TXLNG: variants seen among roughly 807,000 people sequenced by gnomAD.
The protein encoded by TXLNG is taxilin gamma.
In TXLNG, 5 loss-of-function variants were observed where a neutral mutation model predicts 38.8. The ratio of observed to expected loss-of-function variants is 0.13; its 90% confidence interval spans 0.07 to 0.27. The LOEUF (loss-of-function observed/expected upper bound fraction) is 0.27. Ranked by LOEUF, TXLNG falls within the 10% of genes least tolerant of loss-of-function variation. The pLI is 1.00. For missense variants in TXLNG, 393 were observed against 398.2 expected, an observed-to-expected ratio of 0.99 and a Z score of 0.11; for synonymous variants, 182 against 158.2, an observed-to-expected ratio of 1.15 and a Z score of -1.13.
chrX:16,815,864 G>A (rs765208213), intron 1 of TXLNG, among the ~76,000 whole-genome samples: 2 of 109,600 alleles, frequency 1.8e-5, no homozygotes, highest in African/African-American at 3.3e-5. Context: ...GGTATTGATA[G>A]TACTCACTTT....
At chrX:16,834,735 A>G (rs1052531239) in intron 7 of TXLNG, among the ~76,000 whole-genome samples, 5 of 112,262 alleles carry the variant, frequency 4.5e-5, no homozygotes, top group Non-Finnish European at 9.4e-5. Flanking sequence ...ATACATCTGC[A>G]TATTTTATTT....
chrX:16,788,807 A>G (rs959147980), intron 1 of TXLNG, among the ~76,000 whole-genome samples: 14 of 108,869 alleles, frequency 1.3e-4, no homozygotes, highest in Non-Finnish European at 2.3e-4. Flanking sequence ...AGCTGGGATT[A>G]CAGATGTGTG....
intron 5 of TXLNG, among the ~76,000 whole-genome samples, chrX:16,830,199 G>A (rs1929340028): frequency 9.5e-6 from 1 of 105,519 alleles, no homozygotes; most frequent in Non-Finnish European, 1.9e-5. Context: ...TTTTTTAAAT[G>A]AGGGCTTTAT....
chrX:16,808,795 T>C (rs1276899657), intron 1 of TXLNG, among the ~76,000 whole-genome samples: 1 of 112,131 alleles, frequency 8.9e-6, no homozygotes, highest in Non-Finnish European at 1.9e-5. Context: ...TATTGATATT[T>C]AGGATATTTC....
chrX:16,840,730 C>CAT (rs1929770958), intron 9 of TXLNG, among the ~76,000 whole-genome samples: 1 of 111,233 alleles, frequency 9.0e-6, no homozygotes, highest in Non-Finnish European at 1.9e-5. Flanking sequence ...TGAGATTGCA[C>CAT]CACTGCACTC....
At chrX:16,820,996 C>T (rs1253200962) in intron 3 of TXLNG, among the ~76,000 whole-genome samples, 1 of 109,689 alleles carries the variant, frequency 9.1e-6, no homozygotes, top group East Asian at 2.9e-4. Context: ...GTCTTGATCT[C>T]CTGACCTCGT....
chrX:16,827,855 A>T (rs192963271), intron 3 of TXLNG, among the ~76,000 whole-genome samples: 30 of 112,213 alleles, frequency 2.7e-4, no homozygotes, highest in Admixed American at 1.4e-3. Context: ...ATTTTTTTTT[A>T]AAAAAGAAAA....
intron 1 of TXLNG, among the ~76,000 whole-genome samples, chrX:16,807,243 C>T (rs1408220478): frequency 1.8e-5 from 2 of 112,170 alleles, no homozygotes; most frequent in South Asian, 3.6e-4. Context: ...AAAAATTCTA[C>T]GTATCTTTCA....
At chrX:16,820,656 A>T (rs1412232286) in intron 3 of TXLNG, among the ~76,000 whole-genome samples, 1 of 112,809 alleles carries the variant, frequency 8.9e-6, no homozygotes, top group African/African-American at 3.2e-5. Context: ...ATCATCTGCT[A>T]AAACAATACT....
intron 9 of TXLNG, among the ~76,000 whole-genome samples, chrX:16,840,737 A>T (rs1929771517): frequency 9.0e-6 from 1 of 111,344 alleles, no homozygotes; most frequent in Non-Finnish European, 1.9e-5. Context: ...GCACCACTGC[A>T]CTCCAGCCCG....
intron 1 of TXLNG, among the ~76,000 whole-genome samples, chrX:16,809,301 A>G (rs1171989856): frequency 1.5e-5 from 1 of 65,599 alleles, no homozygotes; most frequent in African/African-American, 6.1e-5. Context: ...CCCCTCCCAC[A>G]GTGTTGTCGA....
chrX:16,831,636 T>C (rs765486201), intron 5 of TXLNG, among the ~76,000 whole-genome samples: 2 of 112,548 alleles, frequency 1.8e-5, no homozygotes, highest in Non-Finnish European at 3.8e-5. Flanking sequence ...AAGCCTTTAA[T>C]TGTCTTAAAA....
At chrX:16,799,106 C>T (rs887994345) in intron 1 of TXLNG, among the ~76,000 whole-genome samples, 8 of 110,121 alleles carry the variant, frequency 7.3e-5, no homozygotes, top group Non-Finnish European at 1.5e-4. Flanking sequence ...CTTGAACTCC[C>T]GACCTCAGGT....
At chrX:16,818,981 C>T in intron 2 of TXLNG, 104 bp downstream of exon 2, 6 of 870,655 alleles carry the variant, frequency 6.9e-6, no homozygotes, top group Non-Finnish European at 9.5e-6. Context: ...AGGTGCTTAG[C>T]CAACACCCCT....
chrX:16,794,066 A>C (rs773042440), intron 1 of TXLNG, among the ~76,000 whole-genome samples: 3 of 112,063 alleles, frequency 2.7e-5, no homozygotes, highest in Admixed American at 9.6e-5. Context: ...AGTACTGTAC[A>C]TCCCAGTTTA....
Position 16,839,852 on chromosome X carries a change from A to T in TXLNG, c.1184A>T (p.Glu395Val). The change falls in exon 9 of 10, where the codon GAA (glutamate) becomes GTA (valine). Residue 395 changes from glutamate to valine, a missense_variant. Physicochemically the swap from Glu to Val is moderately radical, Grantham distance 121. Coordinates refer to ENST00000380122, the MANE Select transcript of TXLNG (RefSeq NM_018360.3). ...AAGAAAATTAAAAAACTGGAAAAAGAAACAATAATTTGGCGTACCAAATGG... is the reference window on the plus strand; with the variant it reads ...AAGAAAATTAAAAAACTGGAAAAAGTAACAATAATTTGGCGTACCAAATGG... ...MTKKIKKLEKETIIWRTKWEN... is the reference protein window; with the variant it reads ...MTKKIKKLEKVTIIWRTKWEN... 1.7e-6 allele frequency: 2 copies of T among 1,202,185 alleles called. No homozygotes were observed. The highest frequency in any genetic ancestry group is 2.2e-6 in the Non-Finnish European group (2 of 890,516).
At chrX:16,829,040 C>G (rs1281701751) in intron 4 of TXLNG, among the ~76,000 whole-genome samples, 3 of 110,590 alleles carry the variant, frequency 2.7e-5, no homozygotes, top group African/African-American at 9.8e-5. Context: ...TTTTTTTTTT[C>G]CCATAGGAAA....
intron 8 of TXLNG, 55 bp from the exon 9 acceptor site, chrX:16,839,766 G>A (rs1929725266): frequency 1.1e-6 from 1 of 902,414 alleles, no homozygotes; most frequent in Non-Finnish European, 1.6e-6. Context: ...TACTGGGACA[G>A]GGAGTAGAGA....
intron 1 of TXLNG, among the ~76,000 whole-genome samples, chrX:16,800,562 CTT>C (rs747782846): frequency 2.1e-4 from 14 of 68,237 alleles, no homozygotes; most frequent in Non-Finnish European, 2.3e-4. Context: ...GAGGAGGAAA[CTT>C]TTTTTTTTTT....
Sources: allele counts gnomAD v4.1 joint callset (sites outside exome capture counted in the v4.1 genomes callset), GRCh38; gene constraint gnomAD v4.1.1; transcripts MANE v1.5; gene names NCBI Gene and HGNC (gene_info 2026-07-23, HGNC 2026-07-21).